EPHA3: variants seen among roughly 807,000 people sequenced by gnomAD.
EPHA3 encodes the protein EPH receptor A3, also known as ephrin type-A receptor 3.
EPHA3 carries 42 observed loss-of-function variants against 107.1 expected under a neutral mutation model. The observed-to-expected ratio is 0.39, with a 90% CI of 0.31 to 0.51. EPHA3 has a LOEUF of 0.51. Ranked by LOEUF, EPHA3 falls within the 20% of genes least tolerant of loss-of-function variation. The pLI is 0.78. For synonymous variants in EPHA3, 461 were observed against 424.8 expected (o/e 1.09, Z -1.05); for missense variants, 1,183 against 1,211.2 (o/e 0.98, Z 0.35).
chr3:89,319,676 G>A (rs1400779269), intron 3 of EPHA3, among the ~76,000 whole-genome samples: 4 of 151,982 alleles, frequency 2.6e-5, no homozygotes, highest in South Asian at 4.1e-4. Flanking sequence ...ATTCTGTCAG[G>A]AGAGAGCCTT....
chr3:89,269,437 T>C (rs1351591440), intron 3 of EPHA3, among the ~76,000 whole-genome samples: 2 of 152,046 alleles, frequency 1.3e-5, no homozygotes, highest in East Asian at 1.9e-4. Flanking sequence ...TAGTTTTTTT[T>C]ATAATTTATT....
chr3:89,398,552 C>G (rs887759697), intron 6 of EPHA3, among the ~76,000 whole-genome samples: 1 of 152,010 alleles, frequency 6.6e-6, no homozygotes, highest in African/African-American at 2.4e-5. Context: ...ACATATAAAA[C>G]CTTGATTTTT....
chr3:89,189,456 G>T (rs6797335), intron 2 of EPHA3, among the ~76,000 whole-genome samples: 55,336 of 152,024 alleles, frequency 0.36, 12,172 homozygotes, highest in Admixed American at 0.48. Context: ...AGCTGGGCAC[G>T]GTGGCGCGCA....
chr3:89,428,120 T>G (rs563567153), intron 11 of EPHA3, among the ~76,000 whole-genome samples: 1 of 152,096 alleles, frequency 6.6e-6, no homozygotes, highest in South Asian at 2.1e-4. Flanking sequence ...TTTGTTATAT[T>G]CATAGCTCTG....
intron 15 of EPHA3, among the ~76,000 whole-genome samples, chr3:89,456,564 G>A (rs1428637890): frequency 6.6e-6 from 1 of 152,136 alleles, no homozygotes; most frequent in African/African-American, 2.4e-5. Flanking sequence ...CTTCATTAGA[G>A]TTGATGATTT....
chr3:89,108,387 G>T (rs1284782610), intron 1 of EPHA3, among the ~76,000 whole-genome samples: 1 of 152,178 alleles, frequency 6.6e-6, no homozygotes, highest in African/African-American at 2.4e-5. Flanking sequence ...ATCCCGCCAG[G>T]CAATGGTTTG....
At chr3:89,392,458 A>G (rs1248427157) in intron 5 of EPHA3, among the ~76,000 whole-genome samples, 2 of 151,640 alleles carry the variant, frequency 1.3e-5, no homozygotes, top group Non-Finnish European at 2.9e-5. Context: ...AACCTAGGCT[A>G]TCAGGTCATT....
intron 3 of EPHA3, among the ~76,000 whole-genome samples, chr3:89,292,510 T>C (rs1706236228): frequency 6.6e-6 from 1 of 152,180 alleles, no homozygotes; most frequent in African/African-American, 2.4e-5. Flanking sequence ...AGTAAAACTT[T>C]TACATGGAAT....
chr3:89,399,380 C>T lies in EPHA3; in HGVS notation c.1494C>T (p.Ser498=), dbSNP rs144696297. 8 of 1,613,912 alleles carry T rather than the reference C, an allele frequency of 5.0e-6. No individual in the cohort carries two copies. The highest frequency in any genetic ancestry group is 4.4e-5 in the South Asian group (4 of 91,086). ...RARGTNVTIS[S]LKPDTIYVFQ... ...GAGGCACAAATGTTACCATCAGTAG[C>T]CTCAAGCCTGACACTATATACGTAT... The change falls in exon 7 of 17, where the codon AGC becomes AGT. Residue 498 remains serine (S), a synonymous_variant. Coordinates refer to ENST00000336596, the MANE Select transcript of EPHA3 (RefSeq NM_005233.6).
intron 5 of EPHA3, among the ~76,000 whole-genome samples, chr3:89,350,313 T>C (rs1707778952): frequency 2.0e-5 from 3 of 150,546 alleles, no homozygotes; most frequent in African/African-American, 7.3e-5. Context: ...GCTTTGCTCA[T>C]TTCTTTTTAT....
At chr3:89,363,896 G>A (rs1708142186) in intron 5 of EPHA3, among the ~76,000 whole-genome samples, 1 of 150,634 alleles carries the variant, frequency 6.6e-6, no homozygotes, top group Non-Finnish European at 1.5e-5. Flanking sequence ...AATGCCCAGT[G>A]CATCAGAAAG....
intron 3 of EPHA3, among the ~76,000 whole-genome samples, chr3:89,319,152 G>A (rs1240461152): frequency 4.6e-5 from 7 of 151,878 alleles, no homozygotes; most frequent in Non-Finnish European, 8.8e-5. Flanking sequence ...TGGTCTAAAT[G>A]CCATTTTCTT....
In EPHA3 at chr3:89,187,802, G is replaced by A. The variant is rs1250316310; in HGVS notation, c.154-22058G>A. ...ATCTGAGATAATTGGCCATGACATAGCTTTGTAGGAACACTTCAGAGGCTG... is the reference window on the plus strand; with the variant it reads ...ATCTGAGATAATTGGCCATGACATAACTTTGTAGGAACACTTCAGAGGCTG... On this transcript the variant is annotated intron_variant, in intron 2 of 16. Transcript: ENST00000336596. Among the ~76,000 whole-genome samples the A allele has an allele frequency of 1.1e-4, 17 of 152,240 alleles. No individual in the cohort carries two copies. In the East Asian group the frequency reaches 3.3e-3, roughly 29 times the overall value.
intron 3 of EPHA3, among the ~76,000 whole-genome samples, chr3:89,321,161 G>A (rs979315975): frequency 6.6e-6 from 1 of 151,956 alleles, no homozygotes; most frequent in Middle Eastern, 3.2e-3. Context: ...CAATTTGTTA[G>A]CTTTTTTTTA....
rs564324080 is a variant in EPHA3 at position 89,327,407 on chromosome 3, C to A, written c.815-13509C>A. On this transcript the variant is annotated intron_variant, in intron 3 of 16. Transcript: ENST00000336596. The stretch of plus-strand genomic sequence containing the variant: ...TTTATAGAATACTTCCATGAACTTG[C>A]CTAGTCATAAAAATTTTCTTTTCAG... 5.9e-5 allele frequency among the ~76,000 whole-genome samples: 9 copies of A among 152,132 alleles called. No individual in the cohort carries two copies. The South Asian group carries it at 1.7e-3, about 28-fold the overall frequency.
chr3:89,472,259 G>A (rs904427747), intron 15 of EPHA3, among the ~76,000 whole-genome samples: 4 of 152,122 alleles, frequency 2.6e-5, no homozygotes, highest in African/African-American at 9.7e-5. Flanking sequence ...GATGGAGAAG[G>A]GGAGAACTTA....
intron 3 of EPHA3, 40 bp from the exon 4 acceptor site, chr3:89,340,876 A>T: frequency 6.6e-7 from 1 of 1,520,170 alleles, no homozygotes. Flanking sequence ...TTTCAAAAAA[A>T]TTATCACAGA....
intron 15 of EPHA3, among the ~76,000 whole-genome samples, chr3:89,455,223 G>T (rs1356139962): frequency 6.6e-6 from 1 of 152,150 alleles, no homozygotes; most frequent in African/African-American, 2.4e-5. Flanking sequence ...GTAAATGGCC[G>T]TGATGGGCGA....
Position 89,337,523 on chromosome 3 carries a change from TTATTA to T in EPHA3, c.815-3390_815-3386del, listed in dbSNP as rs749892031. The stretch of plus-strand genomic sequence containing the variant: ...AAAGACATCTACAAAAATTAAAATG[TTATTA>T]TAGAATCTAGCATTTTACTCTGCAT... On this transcript the variant is annotated intron_variant, in intron 3 of 16. Coordinates refer to ENST00000336596, the MANE Select transcript of EPHA3 (RefSeq NM_005233.6). 3.9e-5 allele frequency among the ~76,000 whole-genome samples: 6 copies of T among 152,324 alleles called. No homozygotes were observed. In the South Asian group the frequency reaches 1.2e-3, roughly 32 times the overall value.
Sources: gnomAD v4.1 joint callset for allele counts (sites outside exome capture counted in the v4.1 genomes callset) on GRCh38, gnomAD v4.1.1 for gene constraint, MANE v1.5 for transcripts, NCBI Gene and HGNC (gene_info 2026-07-23, HGNC 2026-07-21) for gene names.